The following TENM1 variants were observed in gnomAD, a reference collection of about 807,000 sequenced individuals.
TENM1 encodes the protein teneurin-1.
In TENM1, 35 loss-of-function variants were observed where a neutral mutation model predicts 174.8. That is an observed-to-expected ratio of 0.20 (90% CI 0.15 to 0.27). The LOEUF is 0.27. TENM1 is among the 10% of genes least tolerant of loss of function. The probability of loss-of-function intolerance (pLI) is 1.00; values close to 1 mark genes in which losing one functional copy is unlikely to be tolerated. For missense variants in TENM1, 1,633 were observed against 2,130.1 expected (o/e 0.77, Z 4.59); for synonymous variants, 781 against 798.7 (o/e 0.98, Z 0.37).
intron 11 of TENM1, among the ~76,000 whole-genome samples, chrX:124,606,489 T>A (rs1283828156): frequency 8.9e-6 from 1 of 111,764 alleles, no homozygotes; most frequent in African/African-American, 3.2e-5. Flanking sequence ...AGACTTAATA[T>A]TTCTGAGCTT....
the TENM1 span, among the ~76,000 whole-genome samples, chrX:125,131,373 T>C: frequency 8.9e-6 from 1 of 112,144 alleles, no homozygotes; most frequent in East Asian, 2.8e-4. Flanking sequence ...CACTGCTTTG[T>C]TTAAGGTATC....
At chrX:124,877,791 A>G (rs1295863059) in intron 3 of TENM1, among the ~76,000 whole-genome samples, 1 of 111,689 alleles carries the variant, frequency 9.0e-6, no homozygotes, top group Non-Finnish European at 1.9e-5. Flanking sequence ...CCCCAAAAAC[A>G]TAACTACTAG....
the TENM1 span, among the ~76,000 whole-genome samples, chrX:125,189,041 A>G: frequency 8.9e-6 from 1 of 112,290 alleles, no homozygotes; most frequent in Non-Finnish European, 1.9e-5. Flanking sequence ...GGCTAGCAAA[A>G]AATGCTTTAA....
At chrX:124,631,592 C>T (rs967429604) in intron 11 of TENM1, among the ~76,000 whole-genome samples, 7 of 110,675 alleles carry the variant, frequency 6.3e-5, no homozygotes, top group African/African-American at 1.3e-4. Context: ...TCAGCAAGTC[C>T]GAAGTAGGAT....
At chrX:124,751,671 G>T (rs2054074788) in intron 3 of TENM1, among the ~76,000 whole-genome samples, 1 of 81,367 alleles carries the variant, frequency 1.2e-5, no homozygotes, top group African/African-American at 4.5e-5. Flanking sequence ...TTCCCAGAGT[G>T]TGATGTTCCC....
chrX:124,997,625 A>G, the TENM1 span, among the ~76,000 whole-genome samples: 1 of 111,602 alleles, frequency 9.0e-6, no homozygotes, highest in African/African-American at 3.2e-5. Flanking sequence ...GTGTGCTTTC[A>G]TCATTAATGC....
At chrX:124,541,706 C>G (rs188677126) in intron 15 of TENM1, among the ~76,000 whole-genome samples, 2 of 112,231 alleles carry the variant, frequency 1.8e-5, no homozygotes, top group Admixed American at 1.9e-4. Context: ...TGTTTTTCAC[C>G]TACTTCATGC....
rs1319280863 is a variant in TENM1 at position 124,556,559 on chromosome X, T to C, written c.2434+5112A>G. On this transcript the variant is annotated intron_variant, in intron 14 of 31. Transcript: ENST00000422452. ...CCACCATGACAATGCTCCTGCTCAT[T>C]CCTCTCATTAAACAAGGGCAATTTG... Among the ~76,000 whole-genome samples, 3 of 111,932 alleles carry C rather than the reference T, an allele frequency of 2.7e-5. No individual in the cohort carries two copies. The East Asian group carries it at 8.4e-4, about 32-fold the overall frequency.
the TENM1 span, among the ~76,000 whole-genome samples, chrX:124,993,313 G>A: frequency 1.4e-3 from 154 of 110,848 alleles, 3 homozygotes; most frequent in South Asian, 0.056. Flanking sequence ...GGTATGATTC[G>A]ATTAAAATTT....
At chrX:124,757,563 C>T (rs1026269168) in intron 3 of TENM1, among the ~76,000 whole-genome samples, 1 of 112,511 alleles carries the variant, frequency 8.9e-6, no homozygotes, top group African/African-American at 3.2e-5. Context: ...GATGGAAATG[C>T]AGAAATCAGC....
intron 18 of TENM1, among the ~76,000 whole-genome samples, chrX:124,517,636 G>C (rs1166086376): frequency 1.1e-5 from 1 of 87,335 alleles, no homozygotes; most frequent in Non-Finnish European, 2.2e-5. Context: ...ACACAGGAAG[G>C]GGAACATCAC....
At chrX:124,653,547 G>T in intron 7 of TENM1, 37 bp downstream of exon 10, 1 of 1,140,400 alleles carries the variant, frequency 8.8e-7, no homozygotes, top group East Asian at 3.0e-5. Flanking sequence ...CATCACCCTT[G>T]AAAAGGGTTT....
intron 23 of TENM1, among the ~76,000 whole-genome samples, chrX:124,435,208 A>T (rs184186728): frequency 5.4e-5 from 6 of 111,791 alleles, no homozygotes; most frequent in African/African-American, 1.6e-4. Context: ...GGAGCCAGAG[A>T]CTTATAAAGA....
At chrX:124,886,548 T>TATAG (rs1187597592) in intron 3 of TENM1, among the ~76,000 whole-genome samples, 124 of 59,963 alleles carry the variant, frequency 2.1e-3, no homozygotes, top group East Asian at 2.8e-3. Context: ...TATATATATA[T>TATAG]AGAGAGAGAG....
At chrX:125,161,284 C>T in the TENM1 span, among the ~76,000 whole-genome samples, 1 of 111,449 alleles carries the variant, frequency 9.0e-6, no homozygotes, top group East Asian at 2.8e-4. Context: ...CTCTAGATTA[C>T]TTATAATACC....
At chrX:124,508,065 C>T (rs1036861734) in intron 18 of TENM1, among the ~76,000 whole-genome samples, 11 of 111,907 alleles carry the variant, frequency 9.8e-5, no homozygotes, top group Admixed American at 4.7e-4. Flanking sequence ...AATGCAAAAA[C>T]AAAAACAACA....
the TENM1 span, among the ~76,000 whole-genome samples, chrX:125,077,127 G>C: frequency 2.7e-5 from 3 of 111,199 alleles, no homozygotes; most frequent in South Asian, 1.1e-3. Context: ...CATAAAATTT[G>C]ATAAGCAATA....
intron 3 of TENM1, among the ~76,000 whole-genome samples, chrX:124,791,861 C>CGT (rs768638423): frequency 7.3e-5 from 8 of 109,641 alleles, no homozygotes; most frequent in Admixed American, 2.0e-4. Flanking sequence ...TGCATAATTG[C>CGT]GTGTGTGTGT....
At chrX:125,203,566 G>A in the TENM1 span, among the ~76,000 whole-genome samples, 1 of 112,536 alleles carries the variant, frequency 8.9e-6, no homozygotes, top group Admixed American at 9.3e-5. Context: ...CCTCCCTTCT[G>A]CCCCAGATGG....
Sources: gnomAD v4.1 joint callset for allele counts (sites outside exome capture counted in the v4.1 genomes callset) on GRCh38, gnomAD v4.1.1 for gene constraint, MANE v1.5 for transcripts, NCBI Gene and HGNC (gene_info 2026-07-23, HGNC 2026-07-21) for gene names.